Variants in ZFHX3 observed in about 807,000 individuals in gnomAD.
ZFHX3 encodes the protein zinc finger homeobox protein 3.
In ZFHX3, 42 loss-of-function variants were observed where a neutral mutation model predicts 279.1. The observed-to-expected ratio is 0.15, with a 90% CI of 0.12 to 0.19. The LOEUF (loss-of-function observed/expected upper bound fraction) is 0.19. ZFHX3 is among the 10% of genes least tolerant of loss of function. ZFHX3 has a pLI of 1.00. For missense variants in ZFHX3, 4,981 were observed against 4,754.0 expected (o/e 1.05, Z -1.40); for synonymous variants, 2,293 against 1,957.8 (o/e 1.17, Z -4.52).
chr16:73,399,121 A>C (rs1337924189), intron 3 of ZFHX3, among the ~76,000 whole-genome samples: 1 of 150,368 alleles, frequency 6.7e-6, no homozygotes, highest in African/African-American at 2.5e-5. Context: ...CAGGTGATCC[A>C]GTTGTCTTGG....
chr16:73,307,542 G>A lies in ZFHX3; in HGVS notation c.-1194+10698C>T, dbSNP rs548407733. Among the ~76,000 whole-genome samples the A allele has an allele frequency of 3.6e-4, 55 of 152,302 alleles. No homozygotes were observed. The South Asian group carries it at 0.011, about 30-fold the overall frequency. On this transcript the variant is annotated intron_variant, in intron 4 of 17. Transcript: ENST00000641206. ...TCAAAACAGTCACGCCAGTAGCCAA[G>A]TCAAGGTTAACTTCATTTTGTTCTG... is the stretch of plus-strand genomic sequence containing the variant.
chr16:73,231,898 C>G (rs2012785977), intron 5 of ZFHX3, among the ~76,000 whole-genome samples: 1 of 152,192 alleles, frequency 6.6e-6, no homozygotes. Flanking sequence ...GCCCCTCTTG[C>G]ACACAACAAA....
intron 3 of ZFHX3, among the ~76,000 whole-genome samples, chr16:72,903,792 A>C (rs1823260245): frequency 6.6e-6 from 1 of 152,214 alleles, no homozygotes; most frequent in Admixed American, 6.5e-5. Context: ...GAAAGCTCTA[A>C]GGGATCAGCA....
intron 2 of ZFHX3, among the ~76,000 whole-genome samples, chr16:73,642,542 C>T (rs1010619218): frequency 1.3e-5 from 2 of 152,176 alleles, no homozygotes; most frequent in Middle Eastern, 3.2e-3. Context: ...GCTCTGTTTA[C>T]AGCCACTTGA....
Position 72,796,984 on chromosome 16 carries a change from C to G in ZFHX3, c.5698G>C (p.Glu1900Gln). ...GTTTCCTTCGGACCGGTGTTGCCCTCTCCCCCCTCGGCGCTGTCCCTCTCT... is the reference window on the plus strand; with the variant it reads ...GTTTCCTTCGGACCGGTGTTGCCCTGTCCCCCCTCGGCGCTGTCCCTCTCT... ...QRERDSAEGG[E>Q]GNTGPKETLP... The change falls in exon 9 of 10, where the codon GAG becomes CAG. Residue 1900 changes from glutamate to glutamine, a missense_variant. Physicochemically the swap from Glu to Gln is conservative, Grantham distance 29. Around this residue, in one of 7 missense-constraint regions of ZFHX3, gnomAD observed 1,751 missense variants for 1,770.0 expected, o/e 0.99. Transcript: ENST00000268489. 1 of 1,614,042 alleles carries G rather than the reference C, an allele frequency of 6.2e-7. No homozygotes were observed. Among genetic ancestry groups the G allele is most frequent in the Non-Finnish European group, 8.5e-7 (1 of 1,179,994 alleles).
chr16:73,539,946 A>T (rs1282677623), intron 2 of ZFHX3, among the ~76,000 whole-genome samples: 3 of 152,230 alleles, frequency 2.0e-5, no homozygotes, highest in Admixed American at 1.3e-4. Context: ...ACACATATGA[A>T]TATCGGTAGG....
chr16:73,141,766 T>C (rs886587663), intron 6 of ZFHX3, among the ~76,000 whole-genome samples: 1 of 152,136 alleles, frequency 6.6e-6, no homozygotes, highest in East Asian at 1.9e-4. Context: ...ATCATTCCAG[T>C]TTTTCAGATT....
chr16:73,876,340 C>T (rs2029946489), intron 1 of ZFHX3, among the ~76,000 whole-genome samples: 1 of 152,190 alleles, frequency 6.6e-6, no homozygotes, highest in African/African-American at 2.4e-5. Context: ...CACCCATGTA[C>T]ACCTAGGCAG....
At position 73,296,498 on chromosome 16, in the gene ZFHX3, T is replaced by C. The variant is rs182782430; in HGVS notation, c.-1194+21742A>G. Among the ~76,000 whole-genome samples the C allele has an allele frequency of 2.2e-3, 333 of 152,286 alleles. 2 individuals are homozygous for C. Among genetic ancestry groups the C allele is most frequent in the African/African-American group, 7.7e-3 (321 of 41,556 alleles). On this transcript the variant is annotated intron_variant, in intron 4 of 17. Coordinates refer to the ZFHX3 transcript ENST00000641206. ...ATCTATGTGAATACAATTAGAAAAT[T>C]ACTCTCTTTTAGCAATATTTAAGAT...
chr16:73,464,076 A>AT lies in ZFHX3; in HGVS notation c.-1546-7819dup, dbSNP rs1003254473. Reference sequence around the variant, plus strand: ...ATTTTGAGTGTGTGTGTATTTCTGTATTTTTTTTCTCCTAAGTGCCTTTGC... The same window carrying AT: ...ATTTTGAGTGTGTGTGTATTTCTGTATTTTTTTTTCTCCTAAGTGCCTTTGC... On this transcript the variant is annotated intron_variant, in intron 2 of 17. Coordinates refer to the ZFHX3 transcript ENST00000641206. Among the ~76,000 whole-genome samples, 10 of 152,058 alleles carry AT rather than the reference A, an allele frequency of 6.6e-5. No individual in the cohort carries two copies. The South Asian group carries it at 1.0e-3, about 16-fold the overall frequency.
At chr16:73,132,369 ACTTTATG>A (rs1206059948) in intron 6 of ZFHX3, among the ~76,000 whole-genome samples, 1 of 152,116 alleles carries the variant, frequency 6.6e-6, no homozygotes, top group Admixed American at 6.5e-5. Flanking sequence ...CCTGGAGAAA[ACTTTATG>A]GTGTCAGAGA....
intron 3 of ZFHX3, among the ~76,000 whole-genome samples, chr16:73,380,194 A>G (rs1267053789): frequency 6.6e-6 from 1 of 152,238 alleles, no homozygotes; most frequent in East Asian, 1.9e-4. Flanking sequence ...TAATATCCAT[A>G]AACCTCTATG....
chr16:73,141,796 G>C (rs371434498), intron 6 of ZFHX3, among the ~76,000 whole-genome samples: 9 of 152,294 alleles, frequency 5.9e-5, no homozygotes, highest in African/African-American at 2.2e-4. Context: ...AGGCTCAGGA[G>C]GTAGTCTGCC....
At chr16:73,520,768 C>T (rs573954649) in intron 2 of ZFHX3, among the ~76,000 whole-genome samples, 1 of 152,232 alleles carries the variant, frequency 6.6e-6, no homozygotes, top group Admixed American at 6.5e-5. Flanking sequence ...TTATTTAGCA[C>T]CTACTATTTA....
Position 73,761,290 on chromosome 16 carries a change from A to G in ZFHX3, c.-1607-81050T>C, listed in dbSNP as rs1275278293. On this transcript the variant is annotated intron_variant, in intron 1 of 17. Coordinates refer to the ZFHX3 transcript ENST00000641206. ...ATACAGCTAACAGGGGAAGTGAAGG[A>G]CCTCTTCAAGGAGAACTACAAACAA... 3.3e-5 allele frequency among the ~76,000 whole-genome samples: 5 copies of G among 152,144 alleles called. No individual in the cohort carries two copies. In the East Asian group the frequency reaches 7.7e-4, roughly 23 times the overall value.
At chr16:72,859,641 T>C (rs947910291) in intron 4 of ZFHX3, among the ~76,000 whole-genome samples, 3 of 152,198 alleles carry the variant, frequency 2.0e-5, no homozygotes, top group Non-Finnish European at 4.4e-5. Flanking sequence ...AACCACAGGC[T>C]AAAACTCATT....
At chr16:72,874,454 G>C (rs1414125381) in intron 4 of ZFHX3, among the ~76,000 whole-genome samples, 1 of 151,858 alleles carries the variant, frequency 6.6e-6, no homozygotes, top group Non-Finnish European at 1.5e-5. Context: ...TGCCCGCCTC[G>C]GCCTCCCAAA....
At chr16:73,822,999 T>C (rs1960791391) in intron 1 of ZFHX3, among the ~76,000 whole-genome samples, 1 of 152,224 alleles carries the variant, frequency 6.6e-6, no homozygotes, top group South Asian at 2.1e-4. Flanking sequence ...CACTGGGCTA[T>C]ATGCTAAGGA....
At chr16:73,068,884 A>C (rs1368118995) in intron 8 of ZFHX3, among the ~76,000 whole-genome samples, 2 of 152,234 alleles carry the variant, frequency 1.3e-5, no homozygotes, top group African/African-American at 4.8e-5. Context: ...TGAAACAAAG[A>C]TGATGCCTGC....
Sources: gnomAD v4.1 joint callset for allele counts (sites outside exome capture counted in the v4.1 genomes callset) on GRCh38, gnomAD v4.1.1 for gene constraint, gnomAD v4.1.1 regional missense constraint, MANE v1.5 for transcripts, NCBI Gene and HGNC (gene_info 2026-07-23, HGNC 2026-07-21) for gene names.